IVD: variants seen among roughly 807,000 people sequenced by gnomAD.
The protein encoded by IVD is isovaleryl-CoA dehydrogenase.
A neutral mutation model predicts 51.3 loss-of-function variants in IVD; 31 were observed. The ratio of observed to expected loss-of-function variants is 0.60; its 90% CI spans 0.45 to 0.81. The LOEUF is 0.81. Ranked by LOEUF, IVD falls within the 40% of genes least tolerant of loss-of-function variation. The pLI is 0.00. For missense variants in IVD, 475 were observed against 552.0 expected, an observed-to-expected ratio of 0.86 and a Z score of 1.40; for synonymous variants, 205 against 219.4, an observed-to-expected ratio of 0.93 and a Z score of 0.58.
intron 6 of IVD, among the ~76,000 whole-genome samples, chr15:40,411,950 A>G (rs1245236534): frequency 3.3e-5 from 5 of 152,198 alleles, no homozygotes; most frequent in African/African-American, 1.2e-4. Context: ...GGAGGACTAA[A>G]AGGAGGTCAG....
At position 40,431,193 on chromosome 15, in the gene IVD, A is replaced by G. The variant is rs74386438; in HGVS notation, c.720-2661A>G. ...AGAACGGGGTCTCGCTTTATTGCCC[A>G]GACAGGTCTCGAACTCCTGGGCTCA... On this transcript the variant is annotated intron_variant, in intron 7 of 8. Coordinates refer to the IVD transcript ENST00000473112. Among the ~76,000 whole-genome samples the G allele has an allele frequency of 1.9e-3, 271 of 145,526 alleles. 3 individuals are homozygous for G. In the East Asian group the frequency reaches 0.022, roughly 12 times the overall value.
At chr15:40,423,703 G>A (rs1167186430), downstream of IVD, among the ~76,000 whole-genome samples, 1 of 151,886 alleles carries the variant, frequency 6.6e-6, no homozygotes, top group Non-Finnish European at 1.5e-5. Flanking sequence ...CTCATGATCT[G>A]CCCACCTCGG....
chr15:40,405,998 C>A, intron 1 of IVD, 27 bp downstream of exon 1: 1 of 1,257,424 alleles, frequency 8.0e-7, no homozygotes. Context: ...CCTTCCTGGC[C>A]CCAAGGCCTC....
intron 6 of IVD, 106 bp from the exon 7 acceptor site, chr15:40,412,885 C>T (rs1248901037): frequency 2.4e-6 from 2 of 834,750 alleles, no homozygotes; most frequent in Non-Finnish European, 4.1e-6. Context: ...TGTGCAGGTA[C>T]AGGGACTCAA....
chr15:40,416,088 G>T lies in IVD; in HGVS notation c.971G>T (p.Gly324Val). ...QKIGHFQLMQ[G>V]KMADMYTRLM... Reference sequence around the variant, plus strand: ...TCCCTTTGTGCCCAGTTGATGCAGGGGAAGATGGCTGACATGTACACCCGC... The same window carrying T: ...TCCCTTTGTGCCCAGTTGATGCAGGTGAAGATGGCTGACATGTACACCCGC... Residue 324 changes from glycine (G) to valine (V), a missense_variant, in exon 10 of 12, where the codon GGG becomes GTG. Physicochemically the swap from Gly to Val is moderately radical, Grantham distance 109. Transcript: ENST00000487418. The T allele has an allele frequency of 6.2e-7, 1 of 1,614,230 alleles. No individual in the cohort carries two copies. Among genetic ancestry groups the T allele is most frequent in the East Asian group, 2.2e-5 (1 of 44,888 alleles).
At position 40,407,966 on chromosome 15, in the gene IVD, G is replaced by T. The variant is rs757885401; in HGVS notation, c.262G>T (p.Gly88Cys). 2 of 1,614,138 alleles carry T rather than the reference G, an allele frequency of 1.2e-6. No homozygotes were observed. The highest frequency in any genetic ancestry group is 1.7e-6 in the Non-Finnish European group (2 of 1,179,998). The stretch of plus-strand genomic sequence containing the variant: ...ATTTTGGAAGCAGCTGGGGAACCTG[G>T]GCGTATTGGGCATCACAGCCCCTGG... ...REFWKQLGNL[G>C]VLGITAPVQY... Residue 88 changes from glycine (G) to cysteine (C), a missense_variant, in exon 3 of 12, where the codon GGC (glycine) becomes TGC (cysteine). Coordinates refer to ENST00000487418, the MANE Select transcript of IVD (RefSeq NM_002225.5).
In IVD at chr15:40,407,619, T is replaced by A; in HGVS notation, c.145-17T>A. ...GATGCTGTCTGCAGTGGCATCTGTT[T>A]ACCTCTCTCCTATTAGCTTCGTCAG... On this transcript the variant is annotated splice_polypyrimidine_tract_variant and intron_variant, in intron 1 of 11. Coordinates refer to ENST00000487418, the MANE Select transcript of IVD (RefSeq NM_002225.5). The A allele has an allele frequency of 6.2e-7, 1 of 1,602,268 alleles. No homozygotes were observed. Among genetic ancestry groups the A allele is most frequent in the Non-Finnish European group, 8.6e-7 (1 of 1,169,186 alleles).
chr15:40,418,994 G>T lies in IVD; in HGVS notation c.*731G>T, dbSNP rs1251257862. The T allele has an allele frequency of 3.9e-6, 2 of 512,972 alleles. No individual in the cohort carries two copies. Among genetic ancestry groups the T allele is most frequent in the South Asian group, 4.0e-5 (2 of 50,540 alleles). 31.8% of individuals were successfully genotyped at this position (512,972 alleles called of 1,614,324 possible). A position where few individuals can be genotyped will look rare whatever the true frequency, so the allele number is the denominator to read the frequency against. Reference sequence around the variant, plus strand: ...CTAAAAATAGAAAAAAATTAGTTGGGCATGGTGGTGGGCACCTGTAATCCC... The same window carrying T: ...CTAAAAATAGAAAAAAATTAGTTGGTCATGGTGGTGGGCACCTGTAATCCC... On this transcript the variant is annotated 3_prime_UTR_variant, in exon 12 of 12. Coordinates refer to ENST00000487418, the MANE Select transcript of IVD (RefSeq NM_002225.5).
intron 9 of IVD, 123 bp from the exon 10 acceptor site, chr15:40,415,955 T>C: frequency 1.2e-6 from 1 of 839,314 alleles, no homozygotes; most frequent in South Asian, 1.5e-5. Context: ...CCTGAGTAAA[T>C]CCCATCTCCT....
intron 7 of IVD, among the ~76,000 whole-genome samples, chr15:40,432,931 C>A (rs1893061893): frequency 1.3e-5 from 2 of 152,202 alleles, no homozygotes; most frequent in Admixed American, 6.5e-5. Context: ...AGACTGATTC[C>A]AGTATGGAAG....
intron 8 of IVD, chr15:40,435,305 A>G (rs1475471839): frequency 9.0e-5 from 64 of 711,446 alleles, no homozygotes; most frequent in Non-Finnish European, 1.1e-4. Context: ...GGAGTGGAGC[A>G]TGGGGGTCTC....
In IVD at chr15:40,419,148, A is replaced by G. The variant is rs1030974159; in HGVS notation, c.*885A>G. On this transcript the variant is annotated 3_prime_UTR_variant, in exon 12 of 12. Coordinates refer to ENST00000487418, the MANE Select transcript of IVD (RefSeq NM_002225.5). ...CAAAACTCTTCAAAAAACAAAACAA[A>G]ACAAAAAAACCCTGGCCCTTGTTTC... is the stretch of plus-strand genomic sequence containing the variant. 8 of 1,289,128 alleles carry G rather than the reference A, an allele frequency of 6.2e-6. No homozygotes were observed. Among genetic ancestry groups the G allele is most frequent in the Non-Finnish European group, 8.1e-6 (8 of 988,820 alleles). The allele number at this position is 1,289,128 out of a possible 1,614,324, so 79.9% of individuals were successfully genotyped here. A position where few individuals can be genotyped will look rare whatever the true frequency, so the allele number is the denominator to read the frequency against.
In IVD at chr15:40,419,212, A is replaced by T. The variant is rs1892041938; in HGVS notation, c.*949A>T. The T allele has an allele frequency of 7.8e-7, 1 of 1,289,384 alleles. No homozygotes were observed. Among genetic ancestry groups the T allele is most frequent in the Non-Finnish European group, 1.0e-6 (1 of 988,858 alleles). 79.9% of individuals were successfully genotyped at this position (1,289,384 alleles called of 1,614,324 possible). A position where few individuals can be genotyped will look rare whatever the true frequency, so the allele number is the denominator to read the frequency against. On this transcript the variant is annotated 3_prime_UTR_variant, in exon 12 of 12. Transcript: ENST00000487418. Reference sequence around the variant, plus strand: ...AGGTATCAGCTCCTAGCAGCTTATGAACACATATGCTTGCTTGGCCAGGCA... The same window carrying T: ...AGGTATCAGCTCCTAGCAGCTTATGTACACATATGCTTGCTTGGCCAGGCA...
At chr15:40,406,544 A>G (rs1427353998) in intron 1 of IVD, among the ~76,000 whole-genome samples, 1 of 152,184 alleles carries the variant, frequency 6.6e-6, no homozygotes, top group Non-Finnish European at 1.5e-5. Context: ...CTGTAATCCT[A>G]GCACTTTGGG....
chr15:40,414,497 C>A (rs1387258282), intron 7 of IVD: 1 of 293,526 alleles, frequency 3.4e-6, no homozygotes, highest in Non-Finnish European at 6.8e-6. Flanking sequence ...TGACATTGGA[C>A]CAGAGCTGAC....
At chr15:40,417,523 T>G (rs1283283288) in intron 11 of IVD, among the ~76,000 whole-genome samples, 3 of 146,858 alleles carry the variant, frequency 2.0e-5, no homozygotes, top group Non-Finnish European at 3.0e-5. Context: ...AAAAAAAAGC[T>G]AAATGGAAAT....
intron 7 of IVD, among the ~76,000 whole-genome samples, chr15:40,432,758 C>T (rs1268167350): frequency 6.6e-6 from 1 of 152,212 alleles, no homozygotes; most frequent in African/African-American, 2.4e-5. Flanking sequence ...AATGGAGAAG[C>T]CATGGGAAGA....
In IVD at chr15:40,416,103, T is replaced by G; in HGVS notation, c.986T>G (p.Met329Arg). 5 of 1,614,250 alleles carry G rather than the reference T, an allele frequency of 3.1e-6. No homozygotes were observed. The highest frequency in any genetic ancestry group is 4.2e-6 in the Non-Finnish European group (5 of 1,180,030). ...TTGATGCAGGGGAAGATGGCTGACA[T>G]GTACACCCGCCTCATGGCGTGTCGG... Reference protein sequence around the residue: ...FQLMQGKMADMYTRLMACRQY... With the variant: ...FQLMQGKMADRYTRLMACRQY... Residue 329 changes from methionine (M) to arginine (R), a missense_variant, in exon 10 of 12, where the codon ATG becomes AGG. Coordinates refer to ENST00000487418, the MANE Select transcript of IVD (RefSeq NM_002225.5).
rs771358017 is a variant in IVD, at chr15:40,405,853, G to A, written c.26G>A (p.Gly9Glu). ...ATGGCGACTGCGACTCGGCTGCTGG[G>A]GTGGCGTGTGGCGAGCTGGAGGCTG... MATATRLLGWRVASWRLRP... is the reference protein window; with the variant it reads MATATRLLEWRVASWRLRP... Residue 9 changes from glycine (G) to glutamate (E), a missense_variant, in exon 1 of 12, where the codon GGG (glycine) becomes GAG (glutamate). Physicochemically the swap from Gly to Glu is moderately conservative, Grantham distance 98. Transcript: ENST00000487418. 1 of 1,612,792 alleles carries A rather than the reference G, an allele frequency of 6.2e-7. No individual in the cohort carries two copies. The highest frequency in any genetic ancestry group is 8.5e-7 in the Non-Finnish European group (1 of 1,179,300).
Sources: allele counts gnomAD v4.1 joint callset (sites outside exome capture counted in the v4.1 genomes callset), GRCh38; gene constraint gnomAD v4.1.1; transcripts MANE v1.5; gene names NCBI Gene and HGNC (gene_info 2026-07-23, HGNC 2026-07-21).